Variants in TGM2 observed in about 807,000 individuals in gnomAD.
TGM2 encodes the protein protein-glutamine gamma-glutamyltransferase 2.
TGM2 carries 53 observed loss-of-function variants against 75.6 expected under a neutral mutation model. That is an observed-to-expected ratio of 0.70 (90% CI 0.56 to 0.88). The LOEUF (loss-of-function observed/expected upper bound fraction) is 0.88, where lower values mean the gene tolerates loss of function less well. TGM2 is among the 40% of genes least tolerant of loss of function. TGM2 has a pLI of 0.00. For missense variants in TGM2, 842 were observed against 928.5 expected (o/e 0.91, Z 1.21); for synonymous variants, 374 against 381.1 (o/e 0.98, Z 0.22).
chr20:38,150,622 G>A (rs1568695873), intron 4 of TGM2, among the ~76,000 whole-genome samples: 1 of 152,190 alleles, frequency 6.6e-6, no homozygotes, highest in East Asian at 1.9e-4. Flanking sequence ...TCCAAGTACT[G>A]CCTATTGTTT....
At chr20:38,139,913 G>A (rs1379180068) in intron 8 of TGM2, among the ~76,000 whole-genome samples, 1 of 152,172 alleles carries the variant, frequency 6.6e-6, no homozygotes, top group East Asian at 1.9e-4. Flanking sequence ...TTCTCGAAGC[G>A]GCAGTTTCAT....
chr20:38,132,334 C>T lies in TGM2; in HGVS notation c.1776+6G>A. 1 of 1,614,086 alleles carries T rather than the reference C, an allele frequency of 6.2e-7. No homozygotes were observed. Among genetic ancestry groups the T allele is most frequent in the Middle Eastern group, 1.7e-4 (1 of 6,054 alleles). ...GGACCCTGCCCCTTGCCCAGCCTGC[C>T]CTTACCCGGATCTTGATTTCTGGAT... On this transcript the variant is annotated splice_donor_region_variant and intron_variant, in intron 11 of 12. Transcript: ENST00000361475.
Position 38,149,692 on chromosome 20 carries a change from A to AAAAAAAAAAAAAAAAC in TGM2, c.552+1246_552+1247insGTTTTTTTTTTTTTTT, listed in dbSNP as rs1555809515. Reference sequence around the variant, plus strand: ...AGACTCCGCCTCAAAAAAAAAAAAAAAAAAAAAAACAGGACCCTGGGAAAT... The same window carrying AAAAAAAAAAAAAAAAC: ...AGACTCCGCCTCAAAAAAAAAAAAAAAAAAAAAAAAAAAAACAAAAAAAAACAGGACCCTGGGAAAT... On this transcript the variant is annotated intron_variant, in intron 4 of 12. Coordinates refer to ENST00000361475, the MANE Select transcript of TGM2 (RefSeq NM_004613.4). Among the ~76,000 whole-genome samples the AAAAAAAAAAAAAAAAC allele has an allele frequency of 1.5e-3, 221 of 147,178 alleles. 2 individuals are homozygous for AAAAAAAAAAAAAAAAC. The highest frequency in any genetic ancestry group is 5.0e-3 in the South Asian group (23 of 4,560).
At chr20:38,141,948 C>T in intron 7 of TGM2, 116 bp downstream of exon 7, 2 of 1,310,726 alleles carry the variant, frequency 1.5e-6, no homozygotes, top group Non-Finnish European at 1.1e-6. Flanking sequence ...TGCTCAAATA[C>T]TGCTGAACTT....
Position 38,141,328 on chromosome 20 carries a change from G to T in TGM2, c.1053C>A (p.Tyr351Ter). ...TTGGGTCCAGGGCCTGCCAGCCCTC[G>T]TACCCCGGCTGCAGGTCCGGCCTGG... is the stretch of plus-strand genomic sequence containing the variant. The part of the protein sequence containing the change: ...WMTRPDLQPG[Y>*]EGWQALDPTP... The change falls in exon 8 of 13, where the codon TAC (tyrosine) becomes TAA (stop). Residue 351 changes from tyrosine (Y) to a stop codon, truncating the protein, a stop_gained. Transcript: ENST00000361475. LOFTEE classifies it high-confidence loss of function. 6.3e-7 allele frequency: 1 copy of T among 1,591,194 alleles called. No homozygotes were observed. Among genetic ancestry groups the T allele is most frequent in the East Asian group, 2.3e-5 (1 of 43,908 alleles).
At chr20:38,135,876 G>A (rs1022513492) in intron 10 of TGM2, among the ~76,000 whole-genome samples, 3 of 152,136 alleles carry the variant, frequency 2.0e-5, no homozygotes, top group Non-Finnish European at 2.9e-5. Flanking sequence ...TCCTGAGCAC[G>A]CATCCTCTCC....
At chr20:38,154,501 C>G (rs1389211379) in intron 3 of TGM2, among the ~76,000 whole-genome samples, 1 of 152,186 alleles carries the variant, frequency 6.6e-6, no homozygotes, top group Non-Finnish European at 1.5e-5. Flanking sequence ...GCCTCCTCCC[C>G]CTTGCTCAAG....
Position 38,128,497 on chromosome 20 carries a change from T to G in TGM2, c.*1722A>C, listed in dbSNP as rs974278540. 6.6e-6 allele frequency: 1 copy of G among 152,224 alleles called. No individual in the cohort carries two copies. The highest frequency in any genetic ancestry group is 2.4e-5 in the African/African-American group (1 of 41,440). The allele number at this position is 152,224 out of a possible 1,614,324, so 9.4% of individuals were successfully genotyped here. ...AAAATAAACTATTTTATTTCAGTGTTTGCTCCTTGCGGTTCAGAAGCACAT... is the reference window on the plus strand; with the variant it reads ...AAAATAAACTATTTTATTTCAGTGTGTGCTCCTTGCGGTTCAGAAGCACAT... On this transcript the variant is annotated 3_prime_UTR_variant, in exon 13 of 13. Transcript: ENST00000361475.
chr20:38,160,223 A>C (rs1309122986), intron 2 of TGM2, among the ~76,000 whole-genome samples: 1 of 152,152 alleles, frequency 6.6e-6, no homozygotes, highest in East Asian at 1.9e-4. Context: ...GCCCTCAGAG[A>C]CTTCAGAAAG....
At position 38,157,397 on chromosome 20, in the gene TGM2, G is replaced by A. The variant is rs2122958560; in HGVS notation, c.191-1308C>T. On this transcript the variant is annotated intron_variant, in intron 2 of 12. Transcript: ENST00000361475. Reference sequence around the variant, plus strand: ...TTTGGGGAGGAGCCATGCAGGCCTGGGGTCCCAGACCCACCCTACGTCTGG... The same window carrying A: ...TTTGGGGAGGAGCCATGCAGGCCTGAGGTCCCAGACCCACCCTACGTCTGG... Among the ~76,000 whole-genome samples the A allele has an allele frequency of 1.3e-5, 2 of 152,246 alleles. 1 individual carries two copies. The highest frequency in any genetic ancestry group is 4.2e-4 in the South Asian group (2 of 4,818).
intron 1 of TGM2, among the ~76,000 whole-genome samples, chr20:38,162,954 C>G (rs78465137): frequency 0.027 from 4,101 of 152,256 alleles, 182 homozygotes; most frequent in African/African-American, 0.092. Context: ...TTTAGTTCTG[C>G]TGTGTTGCTG....
rs778935459 is a variant in TGM2, at chr20:38,141,323, C to A, written c.1058G>T (p.Gly353Val). Residue 353 changes from glycine (G) to valine (V), a missense_variant, in exon 8 of 13, where the codon GGC becomes GTC. Coordinates refer to ENST00000361475, the MANE Select transcript of TGM2 (RefSeq NM_004613.4). ...TRPDLQPGYE[G>V]WQALDPTPQE... ...GGGCGTTGGGTCCAGGGCCTGCCAG[C>A]CCTCGTACCCCGGCTGCAGGTCCGG... 1 of 1,590,204 alleles carries A rather than the reference C, an allele frequency of 6.3e-7. No individual in the cohort carries two copies. Among genetic ancestry groups the A allele is most frequent in the Non-Finnish European group, 8.6e-7 (1 of 1,168,402 alleles).
intron 10 of TGM2, among the ~76,000 whole-genome samples, chr20:38,136,473 A>G (rs2074901935): frequency 1.3e-5 from 2 of 152,200 alleles, no homozygotes. Context: ...AATCCCAGGC[A>G]TGAGTGCCTA....
At chr20:38,150,864 T>C (rs1223903147) in intron 4 of TGM2, 75 bp downstream of exon 4, 1 of 1,137,236 alleles carries the variant, frequency 8.8e-7, no homozygotes, top group African/African-American at 1.5e-5. Context: ...TGTGCAGCTT[T>C]GGCTGCCCCC....
intron 5 of TGM2, among the ~76,000 whole-genome samples, chr20:38,147,692 T>C (rs2075062009): frequency 6.6e-6 from 1 of 152,160 alleles, no homozygotes; most frequent in Admixed American, 6.5e-5. Flanking sequence ...ACACAGGACT[T>C]GCACACAGCT....
chr20:38,139,718 G>T (rs112972399), intron 8 of TGM2, 64 bp from the exon 9 acceptor site: 19 of 1,599,558 alleles, frequency 1.2e-5, no homozygotes, highest in Non-Finnish European at 1.4e-5. Flanking sequence ...CCTCTAAAAC[G>T]CTCCACAATT....
rs754587749 is a variant in TGM2 at position 38,142,246 on chromosome 20, C to A, written c.860-47G>T. On this transcript the variant is annotated intron_variant, in intron 6 of 12. Transcript: ENST00000361475. ...CGGGGTGAGGTCCTGGAGACATCCG[C>A]CCTGCTCTGGGCCTCCACCTGCCCA... is the stretch of plus-strand genomic sequence containing the variant. 6 of 1,610,552 alleles carry A rather than the reference C, an allele frequency of 3.7e-6. No individual in the cohort carries two copies. In the Admixed American group the frequency reaches 6.7e-5, roughly 18 times the overall value.
intron 3 of TGM2, 52 bp downstream of exon 3, chr20:38,155,795 C>T (rs1214736649): frequency 1.2e-5 from 18 of 1,559,564 alleles, no homozygotes; most frequent in Admixed American, 1.9e-5. Flanking sequence ...CCTCCATGGG[C>T]GGATCCAGCC....
intron 3 of TGM2, among the ~76,000 whole-genome samples, chr20:38,154,446 G>A (rs771983424): frequency 5.9e-5 from 9 of 152,180 alleles, no homozygotes; most frequent in African/African-American, 9.7e-5. Context: ...TGCCTTGCTA[G>A]TTAGATGGGA....
Sources: allele counts gnomAD v4.1 joint callset (sites outside exome capture counted in the v4.1 genomes callset), GRCh38; gene constraint gnomAD v4.1.1; transcripts MANE v1.5; gene names NCBI Gene and HGNC (gene_info 2026-07-23, HGNC 2026-07-21).